The following WDR41 variants were observed in gnomAD, a reference collection of about 807,000 sequenced individuals.
The protein encoded by WDR41 is WD repeat-containing protein 41.
In WDR41, 63 loss-of-function variants were observed where a neutral mutation model predicts 69.3. The ratio of observed to expected loss-of-function variants is 0.91; its 90% confidence interval spans 0.74 to 1.12. WDR41 has a LOEUF of 1.12. WDR41 is among the 50% of genes most tolerant of loss of function. The probability of loss-of-function intolerance (pLI) is 0.00; values close to 1 mark genes in which losing one functional copy is unlikely to be tolerated. For missense variants in WDR41, 543 were observed against 534.5 expected, an observed-to-expected ratio of 1.02 and a Z score of -0.16; for synonymous variants, 185 against 192.1, an observed-to-expected ratio of 0.96 and a Z score of 0.31.
chr5:77,564,597 G>A (rs55650563), intron 1 of WDR41, among the ~76,000 whole-genome samples: 5 of 151,852 alleles, frequency 3.3e-5, no homozygotes, highest in Non-Finnish European at 7.4e-5. Flanking sequence ...CTTTTACTGC[G>A]CAATGGTAGA....
In WDR41 at chr5:77,451,359, A is replaced by G. The variant is rs1799621327; in HGVS notation, c.524-6T>C. On this transcript the variant is annotated splice_region_variant and splice_polypyrimidine_tract_variant and intron_variant, in intron 6 of 12. Transcript: ENST00000296679. ...TTCAACCAAAGCACTAATACCTCCAAAAACATATAAAACAAAGTTCAAATT... is the reference window on the plus strand; with the variant it reads ...TTCAACCAAAGCACTAATACCTCCAGAAACATATAAAACAAAGTTCAAATT... 6.2e-7 allele frequency: 1 copy of G among 1,611,084 alleles called. No homozygotes were observed. The highest frequency in any genetic ancestry group is 8.5e-7 in the Non-Finnish European group (1 of 1,178,638).
chr5:77,486,529 G>A (rs938236249), intron 2 of WDR41, among the ~76,000 whole-genome samples: 3 of 152,162 alleles, frequency 2.0e-5, no homozygotes. Flanking sequence ...CTCCTAACTT[G>A]CTTTGGCTGA....
chr5:77,516,009 T>C (rs561275094), intron 1 of WDR41, among the ~76,000 whole-genome samples: 1 of 152,292 alleles, frequency 6.6e-6, no homozygotes, highest in East Asian at 1.9e-4. Flanking sequence ...CCCAATTTAT[T>C]TTACAACTGT....
At chr5:77,443,521 CTCTGTGGAGAAATCACTTCTCA>C (rs1391671227) in intron 8 of WDR41, among the ~76,000 whole-genome samples, 1 of 152,126 alleles carries the variant, frequency 6.6e-6, no homozygotes, top group African/African-American at 2.4e-5. Context: ...ATAGAACTTG[CTCTGTGGAGAAATCACTTCTCA>C]TCTGTGGAGC....
At chr5:77,592,229 G>A (rs72770957) in intron 1 of WDR41, among the ~76,000 whole-genome samples, 3,564 of 152,006 alleles carry the variant, frequency 0.023, 47 homozygotes, top group Non-Finnish European at 0.035. Context: ...CTGTACTTAA[G>A]GTATGGCACT....
At position 77,433,269 on chromosome 5, in the gene WDR41, C is replaced by T. The variant is rs1336284039; in HGVS notation, c.1246G>A (p.Asp416Asn). 6.2e-7 allele frequency: 1 copy of T among 1,612,244 alleles called. No individual in the cohort carries two copies. The highest frequency in any genetic ancestry group is 1.3e-5 in the African/African-American group (1 of 74,810). Reference sequence around the variant, plus strand: ...GCGGAGCACGTCACTAGTCCATGATCTTCAAAGTATAGAAACATCTGTAAA... The same window carrying T: ...GCGGAGCACGTCACTAGTCCATGATTTTCAAAGTATAGAAACATCTGTAAA... ...SSVEMFLYFE[D>N]HGLVTCSADH... The change falls in exon 13 of 13, where the codon GAT becomes AAT. Residue 416 changes from aspartate (D) to asparagine (N), a missense_variant. Asp to Asn is a conservative substitution (Grantham distance 23). Coordinates refer to ENST00000296679, the MANE Select transcript of WDR41 (RefSeq NM_018268.4).
chr5:77,459,086 TA>T lies in WDR41; in HGVS notation c.386del (p.Ile129AsnfsTer8), dbSNP rs1561742029. ...DGDTTRQVQR[I>X]SCFQSTVKCL... ...CCTTTACAGTAGACTGGAAGCATGA[TA>T]TTCTCTGAACTTGTCTGGTAGTATC... is the stretch of plus-strand genomic sequence containing the variant. On this transcript the variant is annotated frameshift_variant, in exon 5 of 13. Transcript: ENST00000296679. LOFTEE classifies it high-confidence loss of function. 1.2e-6 allele frequency: 2 copies of T among 1,602,460 alleles called. No individual in the cohort carries two copies. The highest frequency in any genetic ancestry group is 4.5e-5 in the East Asian group (2 of 44,400).
chr5:77,478,821 G>A (rs1801089696), intron 2 of WDR41, among the ~76,000 whole-genome samples: 1 of 151,262 alleles, frequency 6.6e-6, no homozygotes, highest in African/African-American at 2.4e-5. Context: ...GGAAGTTCTG[G>A]CCAGGGCAAT....
intron 1 of WDR41, chr5:77,546,290 G>A (rs989465746): frequency 6.7e-6 from 2 of 300,572 alleles, no homozygotes; most frequent in African/African-American, 4.4e-5. Context: ...GAAAAATAAA[G>A]TGAATGAAGC....
At chr5:77,446,688 T>C (rs1266515786) in intron 8 of WDR41, among the ~76,000 whole-genome samples, 2 of 152,180 alleles carry the variant, frequency 1.3e-5, no homozygotes, top group Non-Finnish European at 2.9e-5. Context: ...GGATCTCCTA[T>C]TCAGTAAATG....
intron 1 of WDR41, among the ~76,000 whole-genome samples, chr5:77,562,081 T>C (rs1298123755): frequency 6.6e-6 from 1 of 152,192 alleles, no homozygotes; most frequent in Non-Finnish European, 1.5e-5. Context: ...ATGTGTTTTG[T>C]TTGGATTGAG....
chr5:77,482,080 T>C (rs957110141), intron 2 of WDR41, among the ~76,000 whole-genome samples: 4 of 152,186 alleles, frequency 2.6e-5, no homozygotes, highest in African/African-American at 9.7e-5. Context: ...TTTAAATATA[T>C]ACAAAAGTGG....
chr5:77,545,661 C>T, intron 1 of WDR41: 1 of 423,490 alleles, frequency 2.4e-6, no homozygotes, highest in Non-Finnish European at 4.2e-6. Context: ...TTGACTTTTT[C>T]CTGGGGGCCT....
At chr5:77,503,946 C>T (rs986492938) in intron 1 of WDR41, among the ~76,000 whole-genome samples, 11 of 152,084 alleles carry the variant, frequency 7.2e-5, no homozygotes, top group African/African-American at 2.2e-4. Context: ...AATAGACACC[C>T]TACCGTCACA....
chr5:77,470,345 C>G (rs1280555396), intron 2 of WDR41, among the ~76,000 whole-genome samples: 1 of 152,088 alleles, frequency 6.6e-6, no homozygotes, highest in East Asian at 1.9e-4. Context: ...TAAAGACCAT[C>G]GAGGCTAGGA....
At chr5:77,550,453 C>A (rs1743276388) in intron 1 of WDR41, among the ~76,000 whole-genome samples, 1 of 152,036 alleles carries the variant, frequency 6.6e-6, no homozygotes, top group African/African-American at 2.4e-5. Flanking sequence ...CAGACACTTC[C>A]CAAAAGAAGA....
chr5:77,509,667 T>C (rs192763546), intron 1 of WDR41, among the ~76,000 whole-genome samples: 1 of 152,260 alleles, frequency 6.6e-6, no homozygotes, highest in Non-Finnish European at 1.5e-5. Flanking sequence ...AGAGAGTGGA[T>C]TAGTGGTTGC....
chr5:77,456,301 G>A (rs1018309596), intron 5 of WDR41, among the ~76,000 whole-genome samples: 2 of 152,042 alleles, frequency 1.3e-5, no homozygotes, highest in Non-Finnish European at 2.9e-5. Flanking sequence ...AAGCCACCCC[G>A]CCCAGACTAA....
At chr5:77,604,250 T>C (rs1490553869) in intron 1 of WDR41, among the ~76,000 whole-genome samples, 1 of 152,220 alleles carries the variant, frequency 6.6e-6, no homozygotes, top group African/African-American at 2.4e-5. Context: ...TCCATTTCTT[T>C]CATCAGTGTT....
Sources: gnomAD v4.1 joint callset for allele counts (sites outside exome capture counted in the v4.1 genomes callset) on GRCh38, gnomAD v4.1.1 for gene constraint, MANE v1.5 for transcripts, NCBI Gene and HGNC (gene_info 2026-07-23, HGNC 2026-07-21) for gene names.